The following SEL1L variants were observed in gnomAD, a reference collection of about 807,000 sequenced individuals.
SEL1L encodes the protein protein sel-1 homolog 1.
In SEL1L, 52 loss-of-function variants were observed where a neutral mutation model predicts 109.8. That is an observed-to-expected ratio of 0.47 (90% CI 0.38 to 0.60). The LOEUF (loss-of-function observed/expected upper bound fraction) is 0.60. SEL1L is among the 20% of genes least tolerant of loss of function. SEL1L has a pLI of 0.00. For missense variants in SEL1L, 749 were observed against 962.2 expected (o/e 0.78, Z 2.93); for synonymous variants, 373 against 339.6 (o/e 1.10, Z -1.08).
rs367998266 is a variant in SEL1L at position 81,526,825 on chromosome 14, T to C, written c.248A>G (p.Glu83Gly). Residue 83 changes from glutamate (E) to glycine (G), a missense_variant, in exon 3 of 21, where the codon GAG becomes GGG. Around this residue, in one of 2 missense-constraint regions of SEL1L, gnomAD observed 366 missense variants for 399.8 expected, o/e 0.92. Coordinates refer to ENST00000336735, the MANE Select transcript of SEL1L (RefSeq NM_005065.6). ...GATATCTTCTGTGACACTTTCCCCC[T>C]CTTGGCTCTTGAGGCTGTCTTCCTC... ...QEEEDSLKSQ[E>G]GESVTEDISF... The C allele has an allele frequency of 1.9e-6, 3 of 1,605,490 alleles. No individual in the cohort carries two copies. The highest frequency in any genetic ancestry group is 2.7e-5 in the African/African-American group (2 of 74,176).
chr14:81,516,123 G>C (rs969605989), intron 3 of SEL1L, among the ~76,000 whole-genome samples: 11 of 152,322 alleles, frequency 7.2e-5, no homozygotes, highest in African/African-American at 2.2e-4. Flanking sequence ...GAGGACAAAG[G>C]TTCTCTGGAC....
At chr14:81,517,071 T>C (rs80348186) in intron 3 of SEL1L, among the ~76,000 whole-genome samples, 222 of 152,220 alleles carry the variant, frequency 1.5e-3, no homozygotes, top group African/African-American at 5.2e-3. Flanking sequence ...TGATATATGG[T>C]GAAAGCGTTA....
At chr14:81,494,929 T>G in intron 11 of SEL1L, 152 bp downstream of exon 11, 1 of 665,682 alleles carries the variant, frequency 1.5e-6, no homozygotes, top group South Asian at 1.9e-5. Flanking sequence ...TTCTTCAGCT[T>G]TCTTAGGGGT....
At chr14:81,527,552 G>C in intron 2 of SEL1L, 149 bp downstream of exon 2, 1 of 511,882 alleles carries the variant, frequency 2.0e-6, no homozygotes, top group Non-Finnish European at 3.3e-6. Flanking sequence ...AGAAAAACTA[G>C]AACTAATACT....
chr14:81,520,014 CA>C (rs1431280202), intron 3 of SEL1L, among the ~76,000 whole-genome samples: 4 of 152,180 alleles, frequency 2.6e-5, no homozygotes, highest in Non-Finnish European at 5.9e-5. Context: ...GGCCTGTAAA[CA>C]GGGGAGTTAT....
At chr14:81,524,327 C>T (rs754368195) in intron 3 of SEL1L, among the ~76,000 whole-genome samples, 9 of 152,164 alleles carry the variant, frequency 5.9e-5, no homozygotes, top group Non-Finnish European at 1.2e-4. Flanking sequence ...AAAAATCAGA[C>T]ACTACATGTC....
intron 11 of SEL1L, among the ~76,000 whole-genome samples, chr14:81,493,590 C>T (rs1256082726): frequency 6.6e-6 from 1 of 152,078 alleles, no homozygotes; most frequent in South Asian, 2.1e-4. Context: ...CCTTTAGACC[C>T]CCAATTTCTC....
intron 3 of SEL1L, among the ~76,000 whole-genome samples, chr14:81,513,073 C>G (rs1213797842): frequency 6.6e-6 from 1 of 152,200 alleles, no homozygotes; most frequent in Non-Finnish European, 1.5e-5. Flanking sequence ...CTGTGTCTAG[C>G]TGAAAGTTTG....
intron 3 of SEL1L, among the ~76,000 whole-genome samples, chr14:81,516,709 C>A (rs1884715109): frequency 3.3e-5 from 5 of 152,290 alleles, no homozygotes; most frequent in Non-Finnish European, 7.3e-5. Context: ...AGGGTGATTA[C>A]AAACTAGTTT....
chr14:81,477,302 A>AGTGTGTGTGT (rs1566968635), intron 20 of SEL1L, 121 bp from the exon 21 acceptor site: 45 of 403,922 alleles, frequency 1.1e-4, no homozygotes, highest in East Asian at 2.1e-4. Flanking sequence ...AACGTTTTGC[A>AGTGTGTGTGT]ATGTGTGTGT....
chr14:81,508,433 C>T (rs938307696), intron 3 of SEL1L, among the ~76,000 whole-genome samples: 1 of 152,032 alleles, frequency 6.6e-6, no homozygotes, highest in Non-Finnish European at 1.5e-5. Context: ...AGATCCAAAT[C>T]TGCCGCTGCT....
intron 3 of SEL1L, among the ~76,000 whole-genome samples, chr14:81,518,551 T>C (rs953716090): frequency 7.3e-5 from 11 of 150,328 alleles, no homozygotes; most frequent in Admixed American, 2.6e-4. Context: ...TCCCAGCTGC[T>C]TGGGAGACTG....
intron 20 of SEL1L, among the ~76,000 whole-genome samples, chr14:81,478,360 A>C (rs146511808): frequency 6.6e-6 from 1 of 152,138 alleles, no homozygotes; most frequent in East Asian, 1.9e-4. Flanking sequence ...TTTTCTTTTT[A>C]GTTGGAATAA....
intron 6 of SEL1L, among the ~76,000 whole-genome samples, chr14:81,501,275 G>A (rs1030535376): frequency 2.0e-5 from 3 of 152,086 alleles, no homozygotes; most frequent in Non-Finnish European, 1.5e-5. Flanking sequence ...TGTGATTTGC[G>A]GGTTTTGTCT....
rs1883480409 is a variant in SEL1L, at chr14:81,490,039, A to G, written c.1332+349T>C. Among the ~76,000 whole-genome samples the G allele has an allele frequency of 2.0e-5, 3 of 152,210 alleles. No individual in the cohort carries two copies. In the South Asian group the frequency reaches 6.2e-4, roughly 32 times the overall value. ...CCAAAGAAAGCCTAAATTATGTACT[A>G]TGATTATCAAAAGTACCCTATTATG... is the stretch of plus-strand genomic sequence containing the variant. On this transcript the variant is annotated intron_variant, in intron 13 of 20. Coordinates refer to ENST00000336735, the MANE Select transcript of SEL1L (RefSeq NM_005065.6).
chr14:81,512,195 T>C (rs146112757), intron 3 of SEL1L, among the ~76,000 whole-genome samples: 15 of 152,312 alleles, frequency 9.8e-5, no homozygotes, highest in African/African-American at 2.6e-4. Context: ...TTATCCTCCA[T>C]GATGTGGACA....
In SEL1L at chr14:81,475,415, T is replaced by C. The variant is rs955941564; in HGVS notation, c.*1557A>G. On this transcript the variant is annotated 3_prime_UTR_variant, in exon 21 of 21. Transcript: ENST00000336735. ...TATATAAAAGCCTTCATGTTCATTATAGACTAGTTAAATCTAGTTCTAACT... is the reference window on the plus strand; with the variant it reads ...TATATAAAAGCCTTCATGTTCATTACAGACTAGTTAAATCTAGTTCTAACT... The C allele has an allele frequency of 6.6e-6, 1 of 152,670 alleles. No homozygotes were observed. The highest frequency in any genetic ancestry group is 2.4e-5 in the African/African-American group (1 of 41,470). 9.5% of individuals were successfully genotyped at this position (152,670 alleles called of 1,614,324 possible). A position where few individuals can be genotyped will look rare whatever the true frequency, so the allele number is the denominator to read the frequency against.
intron 1 of SEL1L, among the ~76,000 whole-genome samples, chr14:81,531,489 T>C (rs1240153701): frequency 6.6e-6 from 1 of 152,204 alleles, no homozygotes; most frequent in African/African-American, 2.4e-5. Context: ...CGAAACCCTG[T>C]GAATGAAAAT....
At chr14:81,501,129 G>A (rs974109934) in intron 6 of SEL1L, among the ~76,000 whole-genome samples, 7 of 152,138 alleles carry the variant, frequency 4.6e-5, no homozygotes, top group African/African-American at 1.2e-4. Flanking sequence ...TGGAAGCCCC[G>A]TGTAGCAATC....
Sources: gnomAD v4.1 joint callset for allele counts (sites outside exome capture counted in the v4.1 genomes callset) on GRCh38, gnomAD v4.1.1 for gene constraint, gnomAD v4.1.1 regional missense constraint, MANE v1.5 for transcripts, NCBI Gene and HGNC (gene_info 2026-07-23, HGNC 2026-07-21) for gene names.